The following NBEA variants were observed in gnomAD, a reference collection of about 807,000 sequenced individuals.
The protein encoded by NBEA is neurobeachin, also known as lysosomal-trafficking regulator 2.
NBEA carries 44 observed loss-of-function variants against 343.4 expected under a neutral mutation model. That is an observed-to-expected ratio of 0.13 (90% CI 0.10 to 0.16). NBEA has a LOEUF of 0.16. Ranked by LOEUF, NBEA falls within the 10% of genes least tolerant of loss-of-function variation. NBEA has a pLI of 1.00. For synonymous variants in NBEA, 1,175 were observed against 1,238.7 expected (o/e 0.95, Z 1.08); for missense variants, 2,555 against 3,631.3 (o/e 0.70, Z 7.62).
intron 46 of NBEA, among the ~76,000 whole-genome samples, chr13:35,585,159 C>T (rs1281008962): frequency 6.4e-5 from 8 of 125,956 alleles, no homozygotes; most frequent in Non-Finnish European, 8.2e-5. Context: ...TGCCAGCCTC[C>T]GCCCACTCTG....
intron 38 of NBEA, among the ~76,000 whole-genome samples, chr13:35,423,776 C>G (rs1784129299): frequency 6.6e-6 from 1 of 152,080 alleles, no homozygotes; most frequent in Non-Finnish European, 1.5e-5. Context: ...TTCTTCCTAC[C>G]CATGAGCATG....
At chr13:35,518,289 T>A (rs986939114) in intron 41 of NBEA, among the ~76,000 whole-genome samples, 1 of 152,200 alleles carries the variant, frequency 6.6e-6, no homozygotes, top group African/African-American at 2.4e-5. Flanking sequence ...TTTAGATATA[T>A]CTTAATCTTA....
intron 10 of NBEA, among the ~76,000 whole-genome samples, chr13:35,080,557 A>T (rs996285523): frequency 2.6e-5 from 4 of 152,194 alleles, no homozygotes; most frequent in African/African-American, 9.6e-5. Flanking sequence ...GGAAGAAGAA[A>T]ATATTTTTGC....
chr13:35,483,677 A>T (rs1291601095), intron 41 of NBEA, among the ~76,000 whole-genome samples: 2 of 152,118 alleles, frequency 1.3e-5, no homozygotes, highest in African/African-American at 4.8e-5. Flanking sequence ...CAAGATATAC[A>T]AATTATTTAA....
chr13:35,254,623 A>G (rs893728033), intron 34 of NBEA, among the ~76,000 whole-genome samples: 4 of 151,998 alleles, frequency 2.6e-5, no homozygotes, highest in African/African-American at 4.8e-5. Context: ...TGCCAGGCCT[A>G]TTTCTTACTT....
chr13:35,524,508 C>T (rs536278155), intron 41 of NBEA, among the ~76,000 whole-genome samples: 2 of 152,218 alleles, frequency 1.3e-5, no homozygotes, highest in South Asian at 2.1e-4. Context: ...TTATTTATTG[C>T]GGTTCAAATA....
intron 34 of NBEA, among the ~76,000 whole-genome samples, chr13:35,268,592 C>T (rs141467842): frequency 3.6e-4 from 55 of 151,954 alleles, no homozygotes; most frequent in African/African-American, 1.3e-3. Flanking sequence ...AACACAAACA[C>T]GCCAACAACA....
chr13:35,088,662 T>C (rs958305362), intron 10 of NBEA, among the ~76,000 whole-genome samples: 3 of 151,908 alleles, frequency 2.0e-5, no homozygotes, highest in Non-Finnish European at 4.4e-5. Flanking sequence ...ACAAACTTTT[T>C]TTAAAAAAAA....
rs1273649435 is a variant in NBEA at position 35,578,389 on chromosome 13, C to CT, written c.7036-5507dup. ...TCACATCAAGGGCCGGGCATACTGG[C>CT]TTATACCTGTAATACCAGCACTTTG... On this transcript the variant is annotated intron_variant, in intron 45 of 58. Transcript: ENST00000379939. Among the ~76,000 whole-genome samples, 37 of 152,120 alleles carry CT rather than the reference C, an allele frequency of 2.4e-4. 1 individual carries two copies. Among genetic ancestry groups the CT allele is most frequent in the Admixed American group, 2.4e-3 (37 of 15,270 alleles).
intron 17 of NBEA, among the ~76,000 whole-genome samples, chr13:35,139,358 G>A (rs2067941567): frequency 1.3e-5 from 2 of 152,048 alleles, no homozygotes; most frequent in Admixed American, 1.3e-4. Context: ...ACCACACCCA[G>A]CAATAAGAAG....
intron 41 of NBEA, among the ~76,000 whole-genome samples, chr13:35,489,822 A>C (rs2076439711): frequency 6.6e-6 from 1 of 151,964 alleles, no homozygotes; most frequent in Non-Finnish European, 1.5e-5. Context: ...CTACAAGTAA[A>C]ATAATTGAAA....
intron 38 of NBEA, among the ~76,000 whole-genome samples, chr13:35,376,904 C>G (rs1447214558): frequency 6.6e-6 from 1 of 152,106 alleles, no homozygotes; most frequent in Non-Finnish European, 1.5e-5. Context: ...GGTGAACTTA[C>G]CTATTGAGAG....
intron 49 of NBEA, among the ~76,000 whole-genome samples, chr13:35,640,518 G>T (rs1374595346): frequency 2.0e-5 from 3 of 152,206 alleles, no homozygotes; most frequent in African/African-American, 7.2e-5. Flanking sequence ...TGACCTATGA[G>T]AAAGAAGAAA....
At chr13:35,617,898 A>T (rs1156549141) in intron 48 of NBEA, among the ~76,000 whole-genome samples, 1 of 152,242 alleles carries the variant, frequency 6.6e-6, no homozygotes, top group Non-Finnish European at 1.5e-5. Context: ...TATGTAATAT[A>T]CAAAGTCTAG....
At chr13:35,565,701 G>A (rs894312053) in intron 44 of NBEA, among the ~76,000 whole-genome samples, 3 of 152,084 alleles carry the variant, frequency 2.0e-5, no homozygotes, top group Non-Finnish European at 2.9e-5. Context: ...AATTTCACCT[G>A]ATCATGTTTT....
intron 45 of NBEA, among the ~76,000 whole-genome samples, chr13:35,572,746 G>C (rs1250749667): frequency 6.7e-6 from 1 of 150,368 alleles, no homozygotes; most frequent in East Asian, 1.9e-4. Flanking sequence ...TGTTGTTGTT[G>C]TTTTTGAGAT....
At chr13:35,542,853 G>T (rs1594928404) in intron 41 of NBEA, among the ~76,000 whole-genome samples, 1 of 151,974 alleles carries the variant, frequency 6.6e-6, no homozygotes. Flanking sequence ...GTTTTAAGAT[G>T]TACAAATAAG....
intron 13 of NBEA, 34 bp downstream of exon 13, chr13:35,111,012 C>G: frequency 6.5e-7 from 1 of 1,533,916 alleles, no homozygotes; most frequent in Non-Finnish European, 8.9e-7. Context: ...TTTACATTTG[C>G]CTATGATTAT....
chr13:35,084,267 CTA>C (rs1211354269), intron 10 of NBEA, among the ~76,000 whole-genome samples: 1 of 152,104 alleles, frequency 6.6e-6, no homozygotes, highest in Admixed American at 6.6e-5. Context: ...GATCAGCAGA[CTA>C]TACATTCTTT....
Sources: allele counts gnomAD v4.1 joint callset (sites outside exome capture counted in the v4.1 genomes callset), GRCh38; gene constraint gnomAD v4.1.1; transcripts MANE v1.5; gene names NCBI Gene and HGNC (gene_info 2026-07-23, HGNC 2026-07-21).